Variants in PARD3B observed in about 807,000 individuals in gnomAD.
PARD3B encodes partitioning defective 3 homolog B.
PARD3B carries 103 observed loss-of-function variants against 130.2 expected under a neutral mutation model. The ratio of observed to expected loss-of-function variants is 0.79; its 90% CI spans 0.67 to 0.93. The LOEUF is 0.93. Ranked by LOEUF, PARD3B falls within the 40% of genes least tolerant of loss-of-function variation. PARD3B has a pLI of 0.00. For missense variants in PARD3B, 1,609 were observed against 1,499.2 expected (o/e 1.07, Z -1.21); for synonymous variants, 583 against 553.2 (o/e 1.05, Z -0.76).
At chr2:204,562,053 C>T (rs772487696) in intron 1 of PARD3B, among the ~76,000 whole-genome samples, 8 of 152,174 alleles carry the variant, frequency 5.3e-5, no homozygotes, top group Non-Finnish European at 1.0e-4. Context: ...TCAGTATCTA[C>T]ATACACACAC....
intron 10 of PARD3B, among the ~76,000 whole-genome samples, chr2:205,130,704 A>T (rs1181199725): frequency 6.6e-6 from 1 of 152,158 alleles, no homozygotes; most frequent in African/African-American, 2.4e-5. Flanking sequence ...TTTCAAATGT[A>T]TTTATAATTT....
chr2:205,243,400 G>A (rs1163394402), intron 15 of PARD3B, among the ~76,000 whole-genome samples: 1 of 152,146 alleles, frequency 6.6e-6, no homozygotes, highest in African/African-American at 2.4e-5. Flanking sequence ...CTCTTATGAT[G>A]AGACTGAGGC....
chr2:204,877,738 A>T (rs2045896941), intron 2 of PARD3B, among the ~76,000 whole-genome samples: 1 of 152,214 alleles, frequency 6.6e-6, no homozygotes, highest in South Asian at 2.1e-4. Flanking sequence ...ATTAAGATTT[A>T]TTTAGTGATG....
chr2:205,427,120 G>C (rs1045188894), intron 19 of PARD3B, among the ~76,000 whole-genome samples: 2 of 152,200 alleles, frequency 1.3e-5, no homozygotes, highest in Non-Finnish European at 2.9e-5. Flanking sequence ...AATGCACTCT[G>C]TTGATGAGAC....
At chr2:205,419,726 A>G (rs1377805516) in intron 19 of PARD3B, among the ~76,000 whole-genome samples, 1 of 152,226 alleles carries the variant, frequency 6.6e-6, no homozygotes, top group Non-Finnish European at 1.5e-5. Context: ...AAAGGGGAGA[A>G]TCAGGAAGAA....
At chr2:204,996,558 G>A (rs1339983324) in intron 3 of PARD3B, among the ~76,000 whole-genome samples, 11 of 151,690 alleles carry the variant, frequency 7.3e-5, no homozygotes. Context: ...TGCCCCCAGA[G>A]GTGGAGCCTA....
At chr2:205,417,807 T>A (rs2046831618) in intron 19 of PARD3B, among the ~76,000 whole-genome samples, 2 of 152,208 alleles carry the variant, frequency 1.3e-5, no homozygotes, top group Admixed American at 1.3e-4. Context: ...TTAGCAGTTG[T>A]AGGCACCCTG....
intron 21 of PARD3B, among the ~76,000 whole-genome samples, chr2:205,503,393 T>A (rs1461482205): frequency 1.3e-5 from 2 of 152,058 alleles, no homozygotes; most frequent in African/African-American, 4.8e-5. Flanking sequence ...CTTTGTTCTT[T>A]TTTTTTTTCA....
At chr2:205,394,224 G>T (rs536286072) in intron 18 of PARD3B, among the ~76,000 whole-genome samples, 1 of 152,270 alleles carries the variant, frequency 6.6e-6, no homozygotes, top group South Asian at 2.1e-4. Context: ...AAGGAGGTCT[G>T]TGTGGGGGGT....
intron 15 of PARD3B, among the ~76,000 whole-genome samples, chr2:205,223,381 GAC>G (rs1481239592): frequency 6.6e-6 from 1 of 152,172 alleles, no homozygotes; most frequent in African/African-American, 2.4e-5. Context: ...GAGTTACAGA[GAC>G]AGAGGTGGGT....
At chr2:205,518,644 T>C (rs1164256814) in intron 21 of PARD3B, among the ~76,000 whole-genome samples, 2 of 152,188 alleles carry the variant, frequency 1.3e-5, no homozygotes, top group Admixed American at 1.3e-4. Flanking sequence ...GTTATTATGT[T>C]GGCTTGTTTG....
chr2:204,817,432 C>T (rs574593461), intron 2 of PARD3B, among the ~76,000 whole-genome samples: 4 of 152,096 alleles, frequency 2.6e-5, no homozygotes, highest in Non-Finnish European at 5.9e-5. Context: ...GATCAGTCTA[C>T]ATGTAACTAC....
At chr2:204,550,412 C>CTCTGTG (rs562241721) in intron 1 of PARD3B, among the ~76,000 whole-genome samples, 2 of 144,300 alleles carry the variant, frequency 1.4e-5, no homozygotes, top group South Asian at 2.3e-4. Flanking sequence ...GGAGGGCTGA[C>CTCTGTG]TGTGTGTGTG....
chr2:205,571,737 A>G (rs2053568266), intron 22 of PARD3B, among the ~76,000 whole-genome samples: 1 of 152,226 alleles, frequency 6.6e-6, no homozygotes, highest in South Asian at 2.1e-4. Context: ...ATTTCTTGAA[A>G]TGAAACAGCT....
chr2:205,566,999 G>A (rs1214260385), intron 22 of PARD3B, among the ~76,000 whole-genome samples: 1 of 152,218 alleles, frequency 6.6e-6, no homozygotes, highest in African/African-American at 2.4e-5. Flanking sequence ...CTGACTCCAT[G>A]AAGCATAAGG....
chr2:204,979,016 G>A (rs1362572343), intron 3 of PARD3B, among the ~76,000 whole-genome samples: 1 of 151,190 alleles, frequency 6.6e-6, no homozygotes, highest in Non-Finnish European at 1.5e-5. Context: ...TAAAGGAGGT[G>A]GAGTTAGATG....
intron 3 of PARD3B, among the ~76,000 whole-genome samples, chr2:205,030,252 T>G (rs1429868490): frequency 6.6e-6 from 1 of 152,092 alleles, no homozygotes; most frequent in Non-Finnish European, 1.5e-5. Context: ...ACCCATAATA[T>G]CTCACTGTAC....
At chr2:204,977,467 G>A (rs1692272806) in intron 3 of PARD3B, among the ~76,000 whole-genome samples, 1 of 152,136 alleles carries the variant, frequency 6.6e-6, no homozygotes, top group Admixed American at 6.5e-5. Context: ...CAAATAAAAA[G>A]ATTATAGGTA....
At chr2:205,058,401 C>T (rs373126425) in intron 4 of PARD3B, among the ~76,000 whole-genome samples, 8 of 151,836 alleles carry the variant, frequency 5.3e-5, no homozygotes, top group African/African-American at 1.7e-4. Flanking sequence ...ACTGTGGATA[C>T]GGGTGTAAAA....
Sources: gnomAD v4.1 joint callset for allele counts (sites outside exome capture counted in the v4.1 genomes callset) on GRCh38, gnomAD v4.1.1 for gene constraint, MANE v1.5 for transcripts, NCBI Gene and HGNC (gene_info 2026-07-23, HGNC 2026-07-21) for gene names.